The following NLRP13 variants were observed in gnomAD, a reference collection of about 807,000 sequenced individuals.
NLRP13 encodes the protein NLR family pyrin domain containing 13.
A neutral mutation model predicts 94.4 loss-of-function variants in NLRP13; 82 were observed. The observed-to-expected ratio is 0.87, with a 90% confidence interval of 0.73 to 1.04. The LOEUF (loss-of-function observed/expected upper bound fraction) is 1.04. Among genes scored for constraint, NLRP13 ranks in the 50% least tolerant of loss-of-function variants. The pLI is 0.00. For missense variants in NLRP13, 1,426 were observed against 1,230.8 expected (o/e 1.16, Z -2.37); for synonymous variants, 553 against 464.7 (o/e 1.19, Z -2.45).
intron 10 of NLRP13, among the ~76,000 whole-genome samples, chr19:55,897,559 GTCTC>G (rs904088756): frequency 1.9e-4 from 29 of 152,218 alleles, no homozygotes; most frequent in African/African-American, 6.3e-4. Flanking sequence ...GTCAGAATGA[GTCTC>G]TCTAAGGAAA....
Position 55,925,042 on chromosome 19 carries a change from C to A in NLRP13, c.320-7G>T, listed in dbSNP as rs375291298. On this transcript the variant is annotated splice_region_variant and splice_polypyrimidine_tract_variant and intron_variant, in intron 1 of 10. Transcript: ENST00000342929. ...TCTTGGGTCTGCACATTCTCTGAAA[C>A]AAACAGTGATGATGACATATGAGAA... 1.9e-6 allele frequency: 3 copies of A among 1,613,434 alleles called. No individual in the cohort carries two copies. In the South Asian group the frequency reaches 3.3e-5, roughly 18 times the overall value.
intron 1 of NLRP13, among the ~76,000 whole-genome samples, chr19:55,926,843 A>G (rs529083491): frequency 6.6e-6 from 1 of 152,322 alleles, no homozygotes; most frequent in East Asian, 1.9e-4. Context: ...TTTTATGTAT[A>G]TAATGAAATA....
chr19:55,930,986 T>C (rs748519424), intron 1 of NLRP13, among the ~76,000 whole-genome samples: 139 of 151,236 alleles, frequency 9.2e-4, no homozygotes, highest in South Asian at 1.0e-3. Context: ...CACTGCACGA[T>C]CCTACAACAC....
intron 9 of NLRP13, among the ~76,000 whole-genome samples, chr19:55,901,786 T>A (rs1329881590): frequency 6.6e-6 from 1 of 152,082 alleles, no homozygotes; most frequent in African/African-American, 2.4e-5. Context: ...AATACGACTA[T>A]GGGCTGGATC....
chr19:55,900,056 CCA>C (rs1232147530), intron 9 of NLRP13, among the ~76,000 whole-genome samples: 1 of 151,388 alleles, frequency 6.6e-6, no homozygotes, highest in Non-Finnish European at 1.5e-5. Flanking sequence ...AATATTGTCA[CCA>C]CAAAAAATTG....
At chr19:55,911,557 T>C in intron 5 of NLRP13, 149 bp downstream of exon 5, 1 of 713,464 alleles carries the variant, frequency 1.4e-6, no homozygotes, top group Non-Finnish European at 2.3e-6. Context: ...AGGACAACAT[T>C]CTTTCAAGTT....
At position 55,898,132 on chromosome 19, in the gene NLRP13, G is replaced by T. The variant is rs747505922; in HGVS notation, c.2957+638C>A. Reference sequence around the variant, plus strand: ...TATTTTCAATGTACCAAGGATGGTGGTAACAAGAGTAAAACACTTCTCTAA... The same window carrying T: ...TATTTTCAATGTACCAAGGATGGTGTTAACAAGAGTAAAACACTTCTCTAA... On this transcript the variant is annotated intron_variant, in intron 10 of 10. Coordinates refer to ENST00000342929, the MANE Select transcript of NLRP13 (RefSeq NM_176810.2). Among the ~76,000 whole-genome samples the T allele has an allele frequency of 2.0e-5, 3 of 151,876 alleles. No homozygotes were observed. In the South Asian group the frequency reaches 6.2e-4, roughly 32 times the overall value.
At chr19:55,910,358 G>A (rs1219490857) in intron 6 of NLRP13, among the ~76,000 whole-genome samples, 1 of 152,192 alleles carries the variant, frequency 6.6e-6, no homozygotes, top group Non-Finnish European at 1.5e-5. Context: ...TGCCTCTAAT[G>A]CGAGATCATT....
At chr19:55,903,881 T>C (rs1030643908) in intron 8 of NLRP13, among the ~76,000 whole-genome samples, 3 of 152,172 alleles carry the variant, frequency 2.0e-5, no homozygotes, top group Non-Finnish European at 4.4e-5. Flanking sequence ...CGGACTGTAG[T>C]CCACCTGTCC....
chr19:55,928,678 C>A (rs116758722), intron 1 of NLRP13, among the ~76,000 whole-genome samples: 2,923 of 152,276 alleles, frequency 0.019, 88 homozygotes, highest in African/African-American at 0.064. Context: ...GAGAGATATT[C>A]AGTTGGAAAC....
chr19:55,926,364 C>A (rs1986965534), intron 1 of NLRP13, among the ~76,000 whole-genome samples: 1 of 152,242 alleles, frequency 6.6e-6, no homozygotes, highest in South Asian at 2.1e-4. Context: ...TTCACTTATT[C>A]TCCCTCATGC....
chr19:55,893,266 T>C (rs979063294), downstream of NLRP13, among the ~76,000 whole-genome samples: 1 of 151,924 alleles, frequency 6.6e-6, no homozygotes, highest in Non-Finnish European at 1.5e-5. Context: ...CACGTGCCTG[T>C]AATCCAGGCT....
At chr19:55,896,844 AAT>A (rs1555813163) in intron 10 of NLRP13, among the ~76,000 whole-genome samples, 1,622 of 147,380 alleles carry the variant, frequency 0.011, 32 homozygotes, top group African/African-American at 0.041. Context: ...AAAAAAAAAA[AAT>A]GGAAAAGAGT....
rs140895388 is a variant in NLRP13, at chr19:55,928,606, G to T, written c.319+3387C>A. Among the ~76,000 whole-genome samples the T allele has an allele frequency of 2.2e-3, 333 of 152,220 alleles. 2 individuals are homozygous for T. Among genetic ancestry groups the T allele is most frequent in the African/African-American group, 7.1e-3 (295 of 41,548 alleles). ...ATTTTTAAAAATCAGCAACAAGAAAGTAAGTTCTTCCTTTGAGAGCATTCT... is the reference window on the plus strand; with the variant it reads ...ATTTTTAAAAATCAGCAACAAGAAATTAAGTTCTTCCTTTGAGAGCATTCT... On this transcript the variant is annotated intron_variant, in intron 1 of 10. Transcript: ENST00000342929.
chr19:55,930,864 G>T (rs893751832), intron 1 of NLRP13, among the ~76,000 whole-genome samples: 9 of 64,120 alleles, frequency 1.4e-4, no homozygotes, highest in African/African-American at 6.1e-4. Flanking sequence ...ACAGGAGATA[G>T]AATCAGTGAT....
chr19:55,916,173 A>G (rs1986669083), intron 4 of NLRP13, among the ~76,000 whole-genome samples: 1 of 152,240 alleles, frequency 6.6e-6, no homozygotes, highest in South Asian at 2.1e-4. Flanking sequence ...GAAAAGCCAA[A>G]TGACCCTACT....
intron 4 of NLRP13, among the ~76,000 whole-genome samples, chr19:55,923,200 G>A (rs566583951): frequency 1.5e-4 from 23 of 152,212 alleles, no homozygotes; most frequent in Non-Finnish European, 3.2e-4. Flanking sequence ...AAGTCCAGAA[G>A]CAGACACCAG....
intron 10 of NLRP13, among the ~76,000 whole-genome samples, chr19:55,896,820 C>CAAAAAAAAAAA (rs3073244): frequency 7.4e-5 from 6 of 80,906 alleles, no homozygotes; most frequent in African/African-American, 8.0e-5. Context: ...CTCCATCTCA[C>CAAAAAAAAAAA]AAAAAAAAAA....
chr19:55,900,169 A>G (rs933517375), intron 9 of NLRP13, among the ~76,000 whole-genome samples: 1 of 152,214 alleles, frequency 6.6e-6, no homozygotes, highest in African/African-American at 2.4e-5. Flanking sequence ...TAAATTTACA[A>G]TAAAACGATT....
Sources: gnomAD v4.1 joint callset for allele counts (sites outside exome capture counted in the v4.1 genomes callset) on GRCh38, gnomAD v4.1.1 for gene constraint, MANE v1.5 for transcripts, NCBI Gene and HGNC (gene_info 2026-07-23, HGNC 2026-07-21) for gene names.